Variants in SSPN observed in about 807,000 individuals in gnomAD.
SSPN encodes sarcospan.
SSPN carries 15 observed loss-of-function variants against 19.1 expected under a neutral mutation model. The ratio of observed to expected loss-of-function variants is 0.78; its 90% CI spans 0.52 to 1.21. The LOEUF is 1.21. Ranked by LOEUF, SSPN falls within the 50% of genes most tolerant of loss-of-function variation. The probability of loss-of-function intolerance (pLI) is 0.00; values close to 1 mark genes in which losing one functional copy is unlikely to be tolerated. For synonymous variants in SSPN, 147 were observed against 140.3 expected (o/e 1.05, Z -0.34); for missense variants, 291 against 314.0 (o/e 0.93, Z 0.55).
chr12:26,223,989 C>T (rs767069776), intron 1 of SSPN, among the ~76,000 whole-genome samples: 12 of 152,106 alleles, frequency 7.9e-5, no homozygotes, highest in South Asian at 4.1e-4. Context: ...TGGCTTTCAC[C>T]GGATTGTAAA....
chr12:26,122,314 C>T (rs945140649), intron 1 of SSPN: 2 of 1,165,144 alleles, frequency 1.7e-6, no homozygotes, highest in African/African-American at 1.7e-5. Context: ...GCGGCGGCGG[C>T]TGCCGCGGCT....
intron 1 of SSPN, among the ~76,000 whole-genome samples, chr12:26,200,538 A>T (rs1222170098): frequency 6.6e-6 from 1 of 152,252 alleles, no homozygotes; most frequent in African/African-American, 2.4e-5. Context: ...TTCAGAATTT[A>T]TAAGTAGGGA....
At chr12:26,122,655 C>A (rs1944322231) in intron 1 of SSPN, 1 of 1,378,618 alleles carries the variant, frequency 7.3e-7, no homozygotes, top group Non-Finnish European at 9.4e-7. Context: ...GCCGCTGCCG[C>A]CGCCGCGGGA....
Position 26,232,554 on chromosome 12 carries a change from T to C in SSPN, c.*1478T>C, listed in dbSNP as rs1390672792. ...ATTGCCTATTGATACACTTTACTAA[T>C]CATGAAATTCTAACCTAAAAGGAAA... is the stretch of plus-strand genomic sequence containing the variant. On this transcript the variant is annotated 3_prime_UTR_variant, in exon 3 of 3. Transcript: ENST00000242729. The C allele has an allele frequency of 1.0e-6, 1 of 985,466 alleles. No homozygotes were observed. The allele number at this position is 985,466 out of a possible 1,614,324, so 61.0% of individuals were successfully genotyped here. A position where few individuals can be genotyped will look rare whatever the true frequency, so the allele number is the denominator to read the frequency against.
At chr12:26,135,637 G>A (rs1235014483) in intron 1 of SSPN, among the ~76,000 whole-genome samples, 1 of 152,142 alleles carries the variant, frequency 6.6e-6, no homozygotes, top group African/African-American at 2.4e-5. Context: ...CCTGGCACTC[G>A]TACTTGCAAA....
At chr12:26,168,989 T>C (rs1242369532) in intron 1 of SSPN, among the ~76,000 whole-genome samples, 1 of 150,252 alleles carries the variant, frequency 6.7e-6, no homozygotes, top group Non-Finnish European at 1.5e-5. Flanking sequence ...ATGGTAGTGA[T>C]TTTTTTTTAT....
In SSPN at chr12:26,220,784, T is replaced by C. The variant is rs138625427; in HGVS notation, c.280-3509T>C. 5.1e-3 allele frequency among the ~76,000 whole-genome samples: 770 copies of C among 152,310 alleles called. 2 individuals are homozygous for C. The highest frequency in any genetic ancestry group is 7.8e-3 in the Non-Finnish European group (528 of 68,012). ...TCCACACCACCCACCTGGCAGCACC[T>C]TCCTGATCTCTCCCTCTCTTCAGCT... On this transcript the variant is annotated intron_variant, in intron 1 of 2. Transcript: ENST00000242729.
intron 1 of SSPN, among the ~76,000 whole-genome samples, chr12:26,200,050 A>G (rs1397953471): frequency 6.6e-6 from 1 of 152,210 alleles, no homozygotes; most frequent in Non-Finnish European, 1.5e-5. Flanking sequence ...TCCCCAGTGA[A>G]TATGTTTAGT....
chr12:26,207,055 A>G (rs990643482), intron 1 of SSPN, among the ~76,000 whole-genome samples: 1 of 152,230 alleles, frequency 6.6e-6, no homozygotes, highest in Non-Finnish European at 1.5e-5. Flanking sequence ...GTGCTAGCGC[A>G]GAGAAGAACA....
intron 1 of SSPN, among the ~76,000 whole-genome samples, chr12:26,163,208 G>A (rs1355975227): frequency 6.6e-6 from 1 of 152,078 alleles, no homozygotes; most frequent in Non-Finnish European, 1.5e-5. Flanking sequence ...AGACCTGAAT[G>A]GACTAAGAGT....
chr12:26,215,922 AAC>A (rs1428587607), intron 1 of SSPN, among the ~76,000 whole-genome samples: 3 of 152,240 alleles, frequency 2.0e-5, no homozygotes, highest in African/African-American at 4.8e-5. Context: ...ACACCTTTAT[AAC>A]ACAATAGTAA....
Position 26,195,612 on chromosome 12 carries a change from C to G in SSPN, c.-61C>G. The stretch of plus-strand genomic sequence containing the variant: ...AGGGCAGGCCGAGCCAGCCGTGCGC[C>G]GCGCTCCAGGGCCCAGGGCGCCGCA... On this transcript the variant is annotated 5_prime_UTR_variant, in exon 1 of 3. Transcript: ENST00000242729. 1 of 1,343,986 alleles carries G rather than the reference C, an allele frequency of 7.4e-7. No homozygotes were observed. Among genetic ancestry groups the G allele is most frequent in the Non-Finnish European group, 9.5e-7 (1 of 1,054,698 alleles). The allele number at this position is 1,343,986 out of a possible 1,614,324, so 83.3% of individuals were successfully genotyped here. A position where few individuals can be genotyped will look rare whatever the true frequency, so the allele number is the denominator to read the frequency against.
intron 1 of SSPN, among the ~76,000 whole-genome samples, chr12:26,207,324 C>T (rs1159805904): frequency 6.6e-6 from 1 of 151,996 alleles, no homozygotes; most frequent in Non-Finnish European, 1.5e-5. Flanking sequence ...TGCATAATAA[C>T]ATAGAAAAAA....
intron 1 of SSPN, among the ~76,000 whole-genome samples, chr12:26,173,728 A>T (rs1013634970): frequency 2.0e-5 from 3 of 152,198 alleles, no homozygotes; most frequent in African/African-American, 7.2e-5. Flanking sequence ...TTGACAAGCC[A>T]TTGTATCTTC....
chr12:26,226,741 A>G (rs374182382), intron 2 of SSPN, among the ~76,000 whole-genome samples: 1 of 152,050 alleles, frequency 6.6e-6, no homozygotes, highest in South Asian at 2.1e-4. Flanking sequence ...GCCTGCGGAA[A>G]CATTCCAGGG....
intron 1 of SSPN, among the ~76,000 whole-genome samples, chr12:26,169,757 A>G (rs1423760987): frequency 2.0e-5 from 3 of 152,168 alleles, no homozygotes; most frequent in East Asian, 1.9e-4. Context: ...GAGGATGTCA[A>G]ATATCAAAGT....
intron 1 of SSPN, among the ~76,000 whole-genome samples, chr12:26,144,442 C>G (rs1166268722): frequency 1.3e-5 from 2 of 152,172 alleles, no homozygotes; most frequent in African/African-American, 4.8e-5. Flanking sequence ...CTAGTAATAT[C>G]CATCCCTCCT....
chr12:26,167,993 A>C (rs1443864329), intron 1 of SSPN, among the ~76,000 whole-genome samples: 1 of 151,992 alleles, frequency 6.6e-6, no homozygotes, highest in Non-Finnish European at 1.5e-5. Context: ...GTGGGAGGAC[A>C]GCTTGAGTCT....
At chr12:26,162,766 C>G (rs1944596893) in intron 1 of SSPN, among the ~76,000 whole-genome samples, 1 of 152,096 alleles carries the variant, frequency 6.6e-6, no homozygotes, top group African/African-American at 2.4e-5. Context: ...CATAATATAA[C>G]TTGGTTTAAA....
Sources: allele counts gnomAD v4.1 joint callset (sites outside exome capture counted in the v4.1 genomes callset), GRCh38; gene constraint gnomAD v4.1.1; transcripts MANE v1.5; gene names NCBI Gene and HGNC (gene_info 2026-07-23, HGNC 2026-07-21).